Variants in INTS7 observed in about 807,000 individuals in gnomAD.
INTS7 encodes the protein chromosome 1 open reading frame 73.
Under a neutral mutation model 109.2 loss-of-function variants are expected in INTS7, and 46 were observed. The observed-to-expected ratio is 0.42, with a 90% CI of 0.33 to 0.54. INTS7 has a LOEUF of 0.54. INTS7 is among the 20% of genes least tolerant of loss of function. The pLI is 0.07. For synonymous variants in INTS7, 412 were observed against 402.9 expected (o/e 1.02, Z -0.27); for missense variants, 929 against 1,132.4 (o/e 0.82, Z 2.58).
chr1:211,944,813 G>A lies in INTS7; in HGVS notation c.2572C>T (p.Leu858=), dbSNP rs1571835032. ...QSVCLNVSST[L]QSKSGQDYKI... The stretch of plus-strand genomic sequence containing the variant: ...TAGTCTTGTCCAGATTTACTCTGCA[G>A]TGTGGAAGAAACATTCAGACAGACA... Residue 858 remains leucine, a synonymous_variant, in exon 19 of 20, where the codon CTG becomes TTG. Coordinates refer to ENST00000366994, the MANE Select transcript of INTS7 (RefSeq NM_015434.4). The A allele has an allele frequency of 6.2e-7, 1 of 1,614,100 alleles. No individual in the cohort carries two copies. Among genetic ancestry groups the A allele is most frequent in the Non-Finnish European group, 8.5e-7 (1 of 1,179,942 alleles).
At position 212,007,250 on chromosome 1, in the gene INTS7, C is replaced by A; in HGVS notation, c.756G>T (p.Gln252His). The A allele has an allele frequency of 6.2e-7, 1 of 1,608,646 alleles. No homozygotes were observed. Among genetic ancestry groups the A allele is most frequent in the Non-Finnish European group, 8.5e-7 (1 of 1,175,458 alleles). ...AASSLVDTPKQIQLLLQYLKN... is the reference protein window; with the variant it reads ...AASSLVDTPKHIQLLLQYLKN... ...GCAGTTTAAAGAAAATTGAAATTAC[C>A]TGCTTAGGTGTATCAACCAAAGATG... Residue 252 changes from glutamine (Q) to histidine (H), a missense_variant and splice_region_variant, in exon 6 of 20, where the codon CAG (glutamine) becomes CAT (histidine). Around this residue, in one of 2 missense-constraint regions of INTS7, gnomAD observed 787 missense variants for 901.1 expected, o/e 0.87. Coordinates refer to ENST00000366994, the MANE Select transcript of INTS7 (RefSeq NM_015434.4).
At chr1:211,974,231 T>G (rs1432507740) in intron 13 of INTS7, among the ~76,000 whole-genome samples, 7 of 142,958 alleles carry the variant, frequency 4.9e-5, no homozygotes. Context: ...CTGAGGCATT[T>G]ATTAGCCTAA....
At chr1:211,968,293 T>G (rs753197897) in intron 14 of INTS7, among the ~76,000 whole-genome samples, 11 of 152,200 alleles carry the variant, frequency 7.2e-5, no homozygotes, top group Non-Finnish European at 1.2e-4. Context: ...AAATCTGTCC[T>G]TTCTCTTTAT....
At chr1:212,005,753 A>G (rs1331390475) in intron 7 of INTS7, among the ~76,000 whole-genome samples, 1 of 152,140 alleles carries the variant, frequency 6.6e-6, no homozygotes, top group African/African-American at 2.4e-5. Flanking sequence ...TAAATTCTTA[A>G]TTTACTTCTC....
At chr1:212,014,711 T>C (rs1432982042) in intron 4 of INTS7, among the ~76,000 whole-genome samples, 1 of 131,520 alleles carries the variant, frequency 7.6e-6, no homozygotes, top group Non-Finnish European at 1.8e-5. Context: ...GCCTGACTGG[T>C]TTTTGTATTT....
chr1:212,033,746 A>G (rs1667275109), intron 1 of INTS7, among the ~76,000 whole-genome samples: 1 of 152,120 alleles, frequency 6.6e-6, no homozygotes, highest in Non-Finnish European at 1.5e-5. Flanking sequence ...TCACTGAGGA[A>G]TAAGAAAGAA....
intron 1 of INTS7, among the ~76,000 whole-genome samples, chr1:212,032,733 C>T (rs1395054176): frequency 2.0e-5 from 3 of 152,174 alleles, no homozygotes; most frequent in Admixed American, 6.5e-5. Flanking sequence ...CCCGCCTCAG[C>T]TTCCCAAAGT....
intron 7 of INTS7, among the ~76,000 whole-genome samples, chr1:211,997,933 C>T (rs1438377150): frequency 6.6e-6 from 1 of 151,168 alleles, no homozygotes; most frequent in African/African-American, 2.4e-5. Flanking sequence ...CCAAATTGAT[C>T]TTTAGATGTA....
intron 7 of INTS7, among the ~76,000 whole-genome samples, chr1:211,998,268 G>A (rs535786396): frequency 6.6e-6 from 1 of 152,236 alleles, no homozygotes; most frequent in South Asian, 2.1e-4. Context: ...ATCCCACCCA[G>A]CGTAACAATT....
At position 211,960,740 on chromosome 1, in the gene INTS7, G is replaced by A. The variant is rs555579496; in HGVS notation, c.2183+5690C>T. On this transcript the variant is annotated intron_variant, in intron 16 of 19. Coordinates refer to ENST00000366994, the MANE Select transcript of INTS7 (RefSeq NM_015434.4). Reference sequence around the variant, plus strand: ...TTGAAGACTGGCTTTCTGAATAAGAGAGTAAGACAAGAATAGAGAAAAAAC... The same window carrying A: ...TTGAAGACTGGCTTTCTGAATAAGAAAGTAAGACAAGAATAGAGAAAAAAC... 7.2e-5 allele frequency among the ~76,000 whole-genome samples: 11 copies of A among 152,290 alleles called. No homozygotes were observed. The East Asian group carries it at 1.5e-3, about 21-fold the overall frequency.
At chr1:211,951,557 C>T (rs1282898107) in intron 17 of INTS7, among the ~76,000 whole-genome samples, 1 of 152,182 alleles carries the variant, frequency 6.6e-6, no homozygotes, top group African/African-American at 2.4e-5. Context: ...CTGCCCACCT[C>T]ACCCTCCCAA....
At chr1:212,002,919 AG>A (rs1665737747) in intron 7 of INTS7, among the ~76,000 whole-genome samples, 1 of 152,226 alleles carries the variant, frequency 6.6e-6, no homozygotes, top group Non-Finnish European at 1.5e-5. Context: ...ACAAGGAAAA[AG>A]GGTATAGAAA....
chr1:211,967,769 T>A (rs748828462), intron 15 of INTS7, 109 bp downstream of exon 15: 2 of 634,194 alleles, frequency 3.2e-6, no homozygotes, highest in Non-Finnish European at 5.5e-6. Context: ...TATAATAAAT[T>A]TATAGGGTTA....
chr1:212,025,704 AAT>A, intron 1 of INTS7: 1 of 164,744 alleles, frequency 6.1e-6, no homozygotes, highest in African/African-American at 2.4e-5. Context: ...AAAAAAAAAA[AAT>A]TCACTAAGAA....
intron 7 of INTS7, among the ~76,000 whole-genome samples, chr1:211,993,316 T>C (rs963230612): frequency 6.6e-6 from 1 of 152,224 alleles, no homozygotes; most frequent in Non-Finnish European, 1.5e-5. Context: ...TTTACATCTT[T>C]GAGACTATCT....
At chr1:211,948,897 G>GCATTT (rs1662961089) in intron 17 of INTS7, among the ~76,000 whole-genome samples, 1 of 152,182 alleles carries the variant, frequency 6.6e-6, no homozygotes, top group African/African-American at 2.4e-5. Context: ...AGTAGAGACA[G>GCATTT]GGTTTCACCA....
At chr1:211,991,246 C>T (rs1308372948) in intron 7 of INTS7, among the ~76,000 whole-genome samples, 1 of 152,078 alleles carries the variant, frequency 6.6e-6, no homozygotes, top group Non-Finnish European at 1.5e-5. Flanking sequence ...AAATATCCAC[C>T]AGGCATTTGG....
At chr1:212,016,797 C>G in intron 4 of INTS7, 89 bp downstream of exon 4, 1 of 976,102 alleles carries the variant, frequency 1.0e-6, no homozygotes, top group Non-Finnish European at 1.5e-6. Flanking sequence ...CTGTATCTCT[C>G]AGTGTTTATA....
Position 211,978,264 on chromosome 1 carries a change from CT to C in INTS7, c.1470+7del. 6.2e-7 allele frequency: 1 copy of C among 1,613,940 alleles called. No individual in the cohort carries two copies. The highest frequency in any genetic ancestry group is 8.5e-7 in the Non-Finnish European group (1 of 1,179,828). ...TCATTCAAAGGAGATTCAAAATGGGCTTTTTACCAGAAGTTCTTGTTGCTTG... is the reference window on the plus strand; with the variant it reads ...TCATTCAAAGGAGATTCAAAATGGGCTTTTACCAGAAGTTCTTGTTGCTTG... On this transcript the variant is annotated splice_region_variant and intron_variant, in intron 11 of 19. Transcript: ENST00000366994.
Sources: gnomAD v4.1 joint callset for allele counts (sites outside exome capture counted in the v4.1 genomes callset) on GRCh38, gnomAD v4.1.1 for gene constraint, gnomAD v4.1.1 regional missense constraint, MANE v1.5 for transcripts, NCBI Gene and HGNC (gene_info 2026-07-23, HGNC 2026-07-21) for gene names.